The following KCNK9 variants were observed in gnomAD, a reference collection of about 807,000 sequenced individuals.
KCNK9 encodes potassium two pore domain channel subfamily K member 9.
Under a neutral mutation model 10.8 loss-of-function variants are expected in KCNK9, and 1 was observed. The observed-to-expected ratio is 0.09, with a 90% CI of 0.03 to 0.44. The LOEUF (loss-of-function observed/expected upper bound fraction) is 0.44, where lower values mean the gene tolerates loss of function less well. Among genes scored for constraint, KCNK9 ranks in the 20% least tolerant of loss-of-function variants. The pLI, the probability that KCNK9 is intolerant of heterozygous loss-of-function variation, is 0.97. For missense variants in KCNK9, 303 were observed against 515.0 expected (o/e 0.59, Z 3.98); for synonymous variants, 231 against 222.7 (o/e 1.04, Z -0.33).
In KCNK9 at chr8:139,702,578, G is replaced by C. The variant is rs1351037585; in HGVS notation, c.283+132C>G. 2 of 912,794 alleles carry C rather than the reference G, an allele frequency of 2.2e-6. No individual in the cohort carries two copies. The highest frequency in any genetic ancestry group is 2.7e-5 in the East Asian group (1 of 37,046). The allele number at this position is 912,794 out of a possible 1,614,324, so 56.5% of individuals were successfully genotyped here. ...GGGGGCTCCCTAGAGAGGAGGGGGC[G>C]CTGCGGGAAGGCCCCCAAGGGAGGC... On this transcript the variant is annotated intron_variant, in intron 1 of 1. Transcript: ENST00000520439. This position sits in a 1 kb window ranked among gnomAD's most constrained non-coding sequence, Gnocchi z 7.5.
chr8:139,641,529 C>T (rs1586655648), intron 1 of KCNK9, among the ~76,000 whole-genome samples: 1 of 152,150 alleles, frequency 6.6e-6, no homozygotes, highest in East Asian at 1.9e-4. Context: ...TGGACAGCGT[C>T]GATGACCGGA....
downstream of KCNK9, among the ~76,000 whole-genome samples, chr8:139,608,320 C>T (rs985738497): frequency 2.0e-5 from 3 of 152,214 alleles, no homozygotes; most frequent in Non-Finnish European, 4.4e-5. Context: ...GGCAGATTCC[C>T]ACCCAGTGTT....
At chr8:139,606,659 G>T (rs1410847987) in intron 2 of KCNK9, among the ~76,000 whole-genome samples, 1 of 152,134 alleles carries the variant, frequency 6.6e-6, no homozygotes, top group Non-Finnish European at 1.5e-5. Context: ...ATCTAAGAGG[G>T]ATTATCAGCA....
downstream of KCNK9, chr8:139,612,666 TTAG>T (rs1260847194): frequency 6.6e-6 from 1 of 152,232 alleles, no homozygotes; most frequent in Non-Finnish European, 1.5e-5. Context: ...GAATGTGCAG[TTAG>T]TTCCCCTAAC....
chr8:139,638,442 T>C (rs1815401449), intron 1 of KCNK9, among the ~76,000 whole-genome samples: 1 of 152,192 alleles, frequency 6.6e-6, no homozygotes, highest in Non-Finnish European at 1.5e-5. Context: ...GGGGGAGCCA[T>C]TCTTCCAGAA....
chr8:139,702,368 G>A lies in KCNK9; in HGVS notation c.283+342C>T, dbSNP rs1817244858. ...CGCGCAGCCCAGCCCGCGCCGGGGC[G>A]GTGGGTGGGTGGGTGTCTGCTATGG... On this transcript the variant is annotated intron_variant, in intron 1 of 1. Coordinates refer to ENST00000520439, the MANE Select transcript of KCNK9 (RefSeq NM_001282534.2). The surrounding 1 kb of genome is among the most constrained non-coding windows in gnomAD (Gnocchi z 7.5). 6.6e-6 allele frequency among the ~76,000 whole-genome samples: 1 copy of A among 152,010 alleles called. No individual in the cohort carries two copies. The highest frequency in any genetic ancestry group is 2.4e-5 in the African/African-American group (1 of 41,474).
chr8:139,613,910 G>A (rs994469569), downstream of KCNK9, among the ~76,000 whole-genome samples: 5 of 152,236 alleles, frequency 3.3e-5, no homozygotes, highest in Non-Finnish European at 7.3e-5. Context: ...CTTCACTGAT[G>A]ACGGGGCCAG....
intron 1 of KCNK9, among the ~76,000 whole-genome samples, chr8:139,639,536 G>A (rs1469039): frequency 0.18 from 28,147 of 152,212 alleles, 2,784 homozygotes; most frequent in East Asian, 0.29. Flanking sequence ...GACAAGGACT[G>A]GGGTGCAAAG....
chr8:139,695,684 A>G (rs1817032286), intron 1 of KCNK9, among the ~76,000 whole-genome samples: 2 of 152,096 alleles, frequency 1.3e-5, no homozygotes, highest in Non-Finnish European at 2.9e-5. Context: ...CCCTCCTCCA[A>G]TTCTCAGGCC....
At chr8:139,620,823 CAG>C (rs1411822532) in intron 1 of KCNK9, among the ~76,000 whole-genome samples, 1 of 151,682 alleles carries the variant, frequency 6.6e-6, no homozygotes, top group East Asian at 1.9e-4. Flanking sequence ...GGTGGGGAAA[CAG>C]AGAAGCTGAA....
At chr8:139,663,341 C>T (rs919725489) in intron 1 of KCNK9, among the ~76,000 whole-genome samples, 1 of 152,078 alleles carries the variant, frequency 6.6e-6, no homozygotes, top group African/African-American at 2.4e-5. Context: ...CGTGTTCCTC[C>T]CATCCGCTCT....
intron 1 of KCNK9, among the ~76,000 whole-genome samples, chr8:139,642,419 C>T (rs1815531283): frequency 6.6e-6 from 1 of 152,236 alleles, no homozygotes; most frequent in African/African-American, 2.4e-5. Flanking sequence ...CAAAAACAAT[C>T]CACAATTTTA....
chr8:139,665,729 A>T (rs1005911235), intron 1 of KCNK9, among the ~76,000 whole-genome samples: 1 of 152,118 alleles, frequency 6.6e-6, no homozygotes, highest in Non-Finnish European at 1.5e-5. Flanking sequence ...CCATCAGATC[A>T]CCCCACAGCC....
chr8:139,655,271 C>A (rs528490613), intron 1 of KCNK9, among the ~76,000 whole-genome samples: 1 of 152,196 alleles, frequency 6.6e-6, no homozygotes, highest in Non-Finnish European at 1.5e-5. Flanking sequence ...CTCACCCAGA[C>A]CTCACTCGGT....
At chr8:139,619,174 C>T (rs1433260259) in intron 1 of KCNK9, 75 bp from the exon 2 acceptor site, 2 of 1,548,056 alleles carry the variant, frequency 1.3e-6, no homozygotes, top group East Asian at 4.5e-5. Context: ...GGAGGGTCGA[C>T]TTGGTGCAGT....
rs75191643 is a variant in KCNK9, at chr8:139,696,368, C to T, written c.283+6342G>A. ...TGAAATGTACACTTTTCTATAAGAACGTTATACTTAAATAAAAATGCTTAA... is the reference window on the plus strand; with the variant it reads ...TGAAATGTACACTTTTCTATAAGAATGTTATACTTAAATAAAAATGCTTAA... On this transcript the variant is annotated intron_variant, in intron 1 of 1. Coordinates refer to ENST00000520439, the MANE Select transcript of KCNK9 (RefSeq NM_001282534.2). Among the ~76,000 whole-genome samples the T allele has an allele frequency of 6.0e-3, 906 of 152,228 alleles. 5 individuals are homozygous for T. The highest frequency in any genetic ancestry group is 9.0e-3 in the Admixed American group (138 of 15,290).
At chr8:139,641,628 C>T (rs1815507384) in intron 1 of KCNK9, among the ~76,000 whole-genome samples, 1 of 14,476 alleles carries the variant, frequency 6.9e-5, no homozygotes, top group African/African-American at 1.7e-4. Context: ...GCGCTCTGGC[C>T]TGCCCCCCCC....
intron 1 of KCNK9, among the ~76,000 whole-genome samples, chr8:139,660,823 A>G (rs1290028795): frequency 1.3e-5 from 2 of 152,180 alleles, no homozygotes; most frequent in South Asian, 2.1e-4. Context: ...TGGGAAAATT[A>G]AAGCTCAGAG....
intron 1 of KCNK9, among the ~76,000 whole-genome samples, chr8:139,640,957 G>A (rs913546963): frequency 2.0e-5 from 3 of 152,222 alleles, no homozygotes; most frequent in East Asian, 1.9e-4. Context: ...CATATTTATC[G>A]CTGAATCACA....
Sources: allele counts gnomAD v4.1 joint callset (sites outside exome capture counted in the v4.1 genomes callset), GRCh38; gene constraint gnomAD v4.1.1; non-coding constraint Gnocchi (gnomAD v3.1); transcripts MANE v1.5; gene names NCBI Gene and HGNC (gene_info 2026-07-23, HGNC 2026-07-21).